Variants in KCNH8 observed in about 807,000 individuals in gnomAD.
The protein encoded by KCNH8 is potassium voltage-gated channel subfamily H member 8.
In KCNH8, 70 loss-of-function variants were observed where a neutral mutation model predicts 103.6. The ratio of observed to expected loss-of-function variants is 0.68; its 90% CI spans 0.56 to 0.82. The LOEUF (loss-of-function observed/expected upper bound fraction) is 0.82. KCNH8 is among the 40% of genes least tolerant of loss of function. KCNH8 has a pLI of 0.00. For missense variants in KCNH8, 1,217 were observed against 1,329.9 expected, an observed-to-expected ratio of 0.92 and a Z score of 1.32; for synonymous variants, 498 against 489.4, an observed-to-expected ratio of 1.02 and a Z score of -0.23.
At chr3:19,317,444 T>G (rs2065288392) in intron 3 of KCNH8, among the ~76,000 whole-genome samples, 1 of 151,894 alleles carries the variant, frequency 6.6e-6, no homozygotes, top group Non-Finnish European at 1.5e-5. Context: ...AGAAAATGCT[T>G]TAGAACTGGG....
At chr3:19,336,439 C>A (rs1050880390) in intron 3 of KCNH8, among the ~76,000 whole-genome samples, 2 of 151,800 alleles carry the variant, frequency 1.3e-5, no homozygotes, top group Non-Finnish European at 2.9e-5. Context: ...ACAAAATCAA[C>A]TGTTATGAAT....
At chr3:19,403,963 A>T (rs936915627) in intron 7 of KCNH8, among the ~76,000 whole-genome samples, 3 of 151,862 alleles carry the variant, frequency 2.0e-5, no homozygotes, top group South Asian at 4.1e-4. Context: ...TAGAGGCCCT[A>T]TTCCTCATCA....
intron 11 of KCNH8, among the ~76,000 whole-genome samples, chr3:19,479,722 A>T (rs1366249835): frequency 6.6e-6 from 1 of 152,186 alleles, no homozygotes; most frequent in Non-Finnish European, 1.5e-5. Flanking sequence ...TATGATACTT[A>T]TTATGATTTT....
intron 8 of KCNH8, among the ~76,000 whole-genome samples, chr3:19,446,630 T>C (rs1353747321): frequency 6.6e-6 from 1 of 151,936 alleles, no homozygotes. Context: ...CAGCTAAGAT[T>C]ACCCAAAACC....
chr3:19,310,670 A>G (rs1004726954), intron 3 of KCNH8, among the ~76,000 whole-genome samples: 4 of 115,082 alleles, frequency 3.5e-5, no homozygotes, highest in Non-Finnish European at 7.3e-5. Flanking sequence ...CAAGATAGCT[A>G]TTCTTGAGTT....
intron 7 of KCNH8, among the ~76,000 whole-genome samples, chr3:19,436,987 C>T (rs1371584252): frequency 6.6e-6 from 1 of 152,158 alleles, no homozygotes; most frequent in Non-Finnish European, 1.5e-5. Flanking sequence ...TGCCCTTAAG[C>T]ACTTCTCCTT....
chr3:19,290,390 T>G (rs139153684), intron 3 of KCNH8, among the ~76,000 whole-genome samples: 17,335 of 152,064 alleles, frequency 0.11, 3,072 homozygotes, highest in African/African-American at 0.38. Flanking sequence ...GTTTGTCATA[T>G]ATAGCTCTTA....
Position 19,512,973 on chromosome 3 carries a change from G to C in KCNH8, c.2083G>C (p.Glu695Gln). 6.2e-7 allele frequency: 1 copy of C among 1,612,672 alleles called. No individual in the cohort carries two copies. Among genetic ancestry groups the C allele is most frequent in the Non-Finnish European group, 8.5e-7 (1 of 1,179,452 alleles). ...TTTATATTATCCACTGATTTAGTCA[G>C]AGCCCAAGGGAAATGGCAACATCAA... ...LSNKSMVSQS[E>Q]PKGNGNINKR... Residue 695 changes from glutamate to glutamine, a missense_variant, in exon 13 of 16, where the codon GAG becomes CAG. Transcript: ENST00000328405.
intron 5 of KCNH8, among the ~76,000 whole-genome samples, chr3:19,354,569 T>C (rs570788235): frequency 1.3e-5 from 2 of 152,128 alleles, no homozygotes; most frequent in Admixed American, 1.3e-4. Context: ...CCCTCAGAAA[T>C]AATACCACAC....
rs983655430 is a variant in KCNH8, at chr3:19,166,656, T to C, written c.76+17861T>C. ...AAGGAGGCAAATTTGATTAAATTGT[T>C]GGAATGCTATCCAAAAATGGACAGT... is the stretch of plus-strand genomic sequence containing the variant. On this transcript the variant is annotated intron_variant, in intron 1 of 15. Coordinates refer to ENST00000328405, the MANE Select transcript of KCNH8 (RefSeq NM_144633.3). Among the ~76,000 whole-genome samples the C allele has an allele frequency of 3.3e-5, 5 of 152,162 alleles. No individual in the cohort carries two copies. In the East Asian group the frequency reaches 9.6e-4, roughly 29 times the overall value.
At chr3:19,304,984 G>A (rs1314559138) in intron 3 of KCNH8, among the ~76,000 whole-genome samples, 2 of 151,908 alleles carry the variant, frequency 1.3e-5, no homozygotes, top group African/African-American at 4.8e-5. Context: ...GAAACTGATT[G>A]GAAAGGAGTA....
intron 1 of KCNH8, among the ~76,000 whole-genome samples, chr3:19,215,463 G>A (rs1248654175): frequency 6.6e-6 from 1 of 152,198 alleles, no homozygotes; most frequent in Non-Finnish European, 1.5e-5. Flanking sequence ...TGTGAGAACA[G>A]CTTCTTTCAA....
At chr3:19,272,070 G>C (rs1286404707) in intron 2 of KCNH8, among the ~76,000 whole-genome samples, 2 of 152,038 alleles carry the variant, frequency 1.3e-5, no homozygotes, top group East Asian at 3.9e-4. Flanking sequence ...AATTGGAAAG[G>C]TTTTTCCTGG....
At chr3:19,359,402 A>T (rs2065920487) in intron 5 of KCNH8, among the ~76,000 whole-genome samples, 1 of 152,002 alleles carries the variant, frequency 6.6e-6, no homozygotes. Context: ...AACTTATTTT[A>T]GAAAATAAAA....
chr3:19,432,660 A>G (rs1038773935), intron 7 of KCNH8, among the ~76,000 whole-genome samples: 8 of 152,180 alleles, frequency 5.3e-5, no homozygotes, highest in Non-Finnish European at 1.0e-4. Flanking sequence ...TGTATGTCCC[A>G]CAAACCTATT....
chr3:19,385,334 G>C (rs2066342179), intron 5 of KCNH8, among the ~76,000 whole-genome samples: 1 of 151,804 alleles, frequency 6.6e-6, no homozygotes, highest in Non-Finnish European at 1.5e-5. Flanking sequence ...TGTATCAATA[G>C]AAAAAAGAAA....
intron 7 of KCNH8, among the ~76,000 whole-genome samples, chr3:19,404,179 G>C (rs534355272): frequency 1.3e-4 from 19 of 151,918 alleles, no homozygotes; most frequent in Admixed American, 5.3e-4. Context: ...TGTATTTCCT[G>C]TCTCAGTAAA....
chr3:19,335,058 A>G (rs960337414), intron 3 of KCNH8, among the ~76,000 whole-genome samples: 53 of 151,994 alleles, frequency 3.5e-4, no homozygotes, highest in African/African-American at 1.3e-3. Flanking sequence ...TCTGAAATAT[A>G]TATAATTTTT....
At chr3:19,318,939 A>G (rs576940420) in intron 3 of KCNH8, among the ~76,000 whole-genome samples, 104 of 151,816 alleles carry the variant, frequency 6.9e-4, no homozygotes, top group Admixed American at 3.0e-3. Context: ...CATGTTGGCC[A>G]TTTGTATATC....
Sources: gnomAD v4.1 joint callset for allele counts (sites outside exome capture counted in the v4.1 genomes callset) on GRCh38, gnomAD v4.1.1 for gene constraint, MANE v1.5 for transcripts, NCBI Gene and HGNC (gene_info 2026-07-23, HGNC 2026-07-21) for gene names.